TMEM132D: variants seen among roughly 807,000 people sequenced by gnomAD.
TMEM132D encodes transmembrane protein 132D.
TMEM132D carries 21 observed loss-of-function variants against 62.3 expected under a neutral mutation model. The ratio of observed to expected loss-of-function variants is 0.34; its 90% CI spans 0.24 to 0.49. The LOEUF (loss-of-function observed/expected upper bound fraction) is 0.49. Among genes scored for constraint, TMEM132D ranks in the 20% least tolerant of loss-of-function variants. TMEM132D has a pLI of 0.99. For synonymous variants in TMEM132D, 621 were observed against 575.6 expected (o/e 1.08, Z -1.13); for missense variants, 1,346 against 1,402.8 (o/e 0.96, Z 0.65).
intron 2 of TMEM132D, among the ~76,000 whole-genome samples, chr12:129,667,557 T>C (rs1018739507): frequency 6.6e-6 from 1 of 152,160 alleles, no homozygotes; most frequent in African/African-American, 2.4e-5. Flanking sequence ...AGGGATTGTA[T>C]TTTGTGATCT....
chr12:129,463,896 C>A (rs1288440374), intron 3 of TMEM132D, among the ~76,000 whole-genome samples: 1 of 150,526 alleles, frequency 6.6e-6, no homozygotes, highest in Non-Finnish European at 1.5e-5. Context: ...TGGCTTGGTT[C>A]CAAGTCTTTG....
At chr12:129,351,753 T>C (rs1458795652) in intron 3 of TMEM132D, among the ~76,000 whole-genome samples, 2 of 152,226 alleles carry the variant, frequency 1.3e-5, no homozygotes, top group Non-Finnish European at 2.9e-5. Flanking sequence ...GTGGTTGTGC[T>C]CTTTGTGTAA....
At chr12:129,463,325 G>A (rs1873745482) in intron 3 of TMEM132D, among the ~76,000 whole-genome samples, 1 of 151,836 alleles carries the variant, frequency 6.6e-6, no homozygotes, top group Non-Finnish European at 1.5e-5. Flanking sequence ...ACTGACAGAT[G>A]TAGCAATAAT....
chr12:129,490,295 T>C (rs575032320), intron 3 of TMEM132D, among the ~76,000 whole-genome samples: 8 of 152,140 alleles, frequency 5.3e-5, no homozygotes, highest in African/African-American at 7.2e-5. Context: ...AACTATTCAG[T>C]TTAGATGTCT....
chr12:129,900,124 T>C (rs992536639), intron 1 of TMEM132D, among the ~76,000 whole-genome samples: 1 of 152,164 alleles, frequency 6.6e-6, no homozygotes, highest in South Asian at 2.1e-4. Flanking sequence ...CATGTCGCAA[T>C]GTATTCATAT....
At chr12:129,761,366 C>A (rs1870372768) in intron 1 of TMEM132D, among the ~76,000 whole-genome samples, 1 of 152,132 alleles carries the variant, frequency 6.6e-6, no homozygotes, top group African/African-American at 2.4e-5. Context: ...ACCTGGCTGC[C>A]CCCAAAGGGC....
intron 3 of TMEM132D, among the ~76,000 whole-genome samples, chr12:129,378,534 C>G (rs1870848399): frequency 6.6e-6 from 1 of 152,208 alleles, no homozygotes; most frequent in Admixed American, 6.5e-5. Context: ...TAGTTGAAAG[C>G]TAGAGAGCTT....
At chr12:129,413,016 C>A (rs911275373) in intron 3 of TMEM132D, among the ~76,000 whole-genome samples, 1 of 152,170 alleles carries the variant, frequency 6.6e-6, no homozygotes, top group Non-Finnish European at 1.5e-5. Flanking sequence ...TTACGATAGA[C>A]CACAGTAGTC....
intron 5 of TMEM132D, among the ~76,000 whole-genome samples, chr12:129,166,388 G>C (rs879627348): frequency 2.6e-5 from 4 of 151,420 alleles, no homozygotes; most frequent in African/African-American, 4.8e-5. Context: ...AAAGGGCCAC[G>C]TATGTTTCAT....
chr12:129,786,710 G>T (rs61943436), intron 1 of TMEM132D, among the ~76,000 whole-genome samples: 1 of 152,174 alleles, frequency 6.6e-6, no homozygotes, highest in Non-Finnish European at 1.5e-5. Context: ...GGCCAACATG[G>T]TGAAACCCGG....
At chr12:129,128,603 G>A (rs192023491) in intron 5 of TMEM132D, among the ~76,000 whole-genome samples, 1 of 152,226 alleles carries the variant, frequency 6.6e-6, no homozygotes, top group Admixed American at 6.5e-5. Flanking sequence ...ATTTAGGTGG[G>A]GACACAGAGG....
intron 2 of TMEM132D, among the ~76,000 whole-genome samples, chr12:129,614,134 C>G (rs1878853809): frequency 6.6e-6 from 1 of 152,130 alleles, no homozygotes; most frequent in Admixed American, 6.5e-5. Flanking sequence ...ACCCAGGGTA[C>G]TGTCTGGAGA....
At chr12:129,829,718 G>C (rs1242542668) in intron 1 of TMEM132D, among the ~76,000 whole-genome samples, 2 of 152,174 alleles carry the variant, frequency 1.3e-5, no homozygotes, top group African/African-American at 2.4e-5. Context: ...GAGCACAGGA[G>C]ATGGGGGAGC....
At chr12:129,403,856 G>A (rs185879393) in intron 3 of TMEM132D, among the ~76,000 whole-genome samples, 1 of 152,330 alleles carries the variant, frequency 6.6e-6, no homozygotes, top group Admixed American at 6.5e-5. Flanking sequence ...CCTAAATGAG[G>A]TGAGGGGTAG....
At chr12:129,433,274 G>T (rs547267662) in intron 3 of TMEM132D, among the ~76,000 whole-genome samples, 3 of 152,116 alleles carry the variant, frequency 2.0e-5, no homozygotes, top group Non-Finnish European at 4.4e-5. Flanking sequence ...TATATATATA[G>T]AAGTAAAATT....
intron 2 of TMEM132D, among the ~76,000 whole-genome samples, chr12:129,657,708 C>T (rs904491530): frequency 6.6e-6 from 1 of 152,194 alleles, no homozygotes; most frequent in African/African-American, 2.4e-5. Context: ...CATGGATAGC[C>T]ATGGTCTGCA....
At chr12:129,121,029 G>A (rs1876042043) in intron 5 of TMEM132D, among the ~76,000 whole-genome samples, 1 of 152,056 alleles carries the variant, frequency 6.6e-6, no homozygotes, top group South Asian at 2.1e-4. Flanking sequence ...ACATGGCCAA[G>A]GAGAAGTAAG....
At chr12:129,444,557 T>C (rs1353347958) in intron 3 of TMEM132D, among the ~76,000 whole-genome samples, 2 of 152,180 alleles carry the variant, frequency 1.3e-5, no homozygotes, top group Non-Finnish European at 2.9e-5. Flanking sequence ...TGTCAGCCCA[T>C]TGCCTAGATA....
rs375585238 is a variant in TMEM132D, at chr12:129,546,150, G to GCCTGACTGTCCCCTGT, written c.969-14961_969-14946dup. Among the ~76,000 whole-genome samples, 687 of 152,210 alleles carry GCCTGACTGTCCCCTGT rather than the reference G, an allele frequency of 4.5e-3. 3 individuals carry two copies. The highest frequency in any genetic ancestry group is 0.016 in the African/African-American group (653 of 41,540). ...CAAAGTCTGGTTAAGACTTCCACTG[G>GCCTGACTGTCCCCTGT]CCTGACTGTCCCCTGTCCTGATGCC... is the stretch of plus-strand genomic sequence containing the variant. On this transcript the variant is annotated intron_variant, in intron 2 of 8. Transcript: ENST00000422113.
Sources: gnomAD v4.1 joint callset for allele counts (sites outside exome capture counted in the v4.1 genomes callset) on GRCh38, gnomAD v4.1.1 for gene constraint, MANE v1.5 for transcripts, NCBI Gene and HGNC (gene_info 2026-07-23, HGNC 2026-07-21) for gene names.